Variants in GPSM3 observed in about 807,000 individuals in gnomAD.
The protein encoded by GPSM3 is G protein-signaling modulator 3.
A neutral mutation model predicts 20.4 loss-of-function variants in GPSM3; 16 were observed. That is an observed-to-expected ratio of 0.78 (90% CI 0.53 to 1.19). GPSM3 has a LOEUF of 1.19. GPSM3 is among the 50% of genes most tolerant of loss of function. The pLI, the probability that GPSM3 is intolerant of heterozygous loss-of-function variation, is 0.00. For synonymous variants in GPSM3, 70 were observed against 79.6 expected (o/e 0.88, Z 0.64); for missense variants, 177 against 204.6 (o/e 0.86, Z 0.82).
rs1412593234 is a variant in GPSM3 at position 32,191,957 on chromosome 6, C to T, written c.146-49G>A. 1 of 1,562,280 alleles carries T rather than the reference C, an allele frequency of 6.4e-7. No homozygotes were observed. Among genetic ancestry groups the T allele is most frequent in the Non-Finnish European group, 8.8e-7 (1 of 1,137,368 alleles). ...TCAGAGACCCAGAGAGGTTGGCAGA[C>T]AGGAGCCGTGGGGGAGTGTGGACAG... On this transcript the variant is annotated intron_variant, in intron 2 of 3. Coordinates refer to ENST00000375040, the MANE Select transcript of GPSM3 (RefSeq NM_001276501.2). This position sits in a 1 kb window ranked among gnomAD's most constrained non-coding sequence, Gnocchi z 5.9.
At chr6:32,192,732 T>A (rs566471010), upstream of GPSM3, 165 of 453,322 alleles carry the variant, frequency 3.6e-4, no homozygotes, top group Admixed American at 1.7e-3. The surrounding 1 kb of genome is among the most constrained non-coding windows in gnomAD (Gnocchi z 5.1). Flanking sequence ...CCAAACAGCT[T>A]GTTCAGTCTC....
chr6:32,195,071 G>C (rs989578915), upstream of GPSM3: 5 of 281,994 alleles, frequency 1.8e-5, no homozygotes, highest in Non-Finnish European at 2.7e-5. This position sits in a 1 kb window ranked among gnomAD's most constrained non-coding sequence, Gnocchi z 5.4. Context: ...GTGGGCAGTG[G>C]GGACAATGGA....
At chr6:32,195,518 C>G (rs756114446), upstream of GPSM3, 2 of 1,612,980 alleles carry the variant, frequency 1.2e-6, no homozygotes, top group Non-Finnish European at 1.7e-6. The surrounding 1 kb of genome is among the most constrained non-coding windows in gnomAD (Gnocchi z 5.4). Flanking sequence ...GTGATCCCCG[C>G]TCCGGGGACG....
At chr6:32,194,964 C>A (rs1456692973), upstream of GPSM3, 2 of 237,744 alleles carry the variant, frequency 8.4e-6, no homozygotes, top group Non-Finnish European at 8.3e-6. The surrounding 1 kb of genome is among the most constrained non-coding windows in gnomAD (Gnocchi z 4.5). Context: ...GGAGGGAATG[C>A]AAGGAGTCAT....
At chr6:32,195,353 G>A, upstream of GPSM3, 1 of 1,299,528 alleles carries the variant, frequency 7.7e-7, no homozygotes, top group Non-Finnish European at 1.1e-6. This position sits in a 1 kb window ranked among gnomAD's most constrained non-coding sequence, Gnocchi z 5.4. Flanking sequence ...CATTTTGGGG[G>A]ATCCATCTTA....
Position 32,192,258 on chromosome 6 carries a change from CA to C in GPSM3, c.43-9del. 1 of 1,516,132 alleles carries C rather than the reference CA, an allele frequency of 6.6e-7. No homozygotes were observed. Among genetic ancestry groups the C allele is most frequent in the Non-Finnish European group, 8.9e-7 (1 of 1,129,144 alleles). 93.9% of individuals were successfully genotyped at this position (1,516,132 alleles called of 1,614,324 possible). On this transcript the variant is annotated splice_polypyrimidine_tract_variant and intron_variant, in intron 1 of 3. Coordinates refer to ENST00000375040, the MANE Select transcript of GPSM3 (RefSeq NM_001276501.2). This position sits in a 1 kb window ranked among gnomAD's most constrained non-coding sequence, Gnocchi z 5.1. ...CTCATCCTGAGGGGGGCCCTGATGC[CA>C]AAATATGTCCATTCTAGTCAAGCAG...
Position 32,192,342 on chromosome 6 carries a change from T to C in GPSM3, c.43-92A>G, listed in dbSNP as rs1787593955. 7.5e-7 allele frequency: 1 copy of C among 1,342,158 alleles called. No individual in the cohort carries two copies. Among genetic ancestry groups the C allele is most frequent in the Non-Finnish European group, 1.0e-6 (1 of 971,024 alleles). The allele number at this position is 1,342,158 out of a possible 1,614,324, so 83.1% of individuals were successfully genotyped here. A position where few individuals can be genotyped will look rare whatever the true frequency, so the allele number is the denominator to read the frequency against. Reference sequence around the variant, plus strand: ...CTAGGCCAGTGGCCCGTTTCCTCTCTGTGTGTCTCTGTTCCTGCCTCAGTT... The same window carrying C: ...CTAGGCCAGTGGCCCGTTTCCTCTCCGTGTGTCTCTGTTCCTGCCTCAGTT... On this transcript the variant is annotated intron_variant, in intron 1 of 3. Transcript: ENST00000375040. This position sits in a 1 kb window ranked among gnomAD's most constrained non-coding sequence, Gnocchi z 5.1.
chr6:32,193,091 G>A (rs1264353660), upstream of GPSM3: 1 of 153,058 alleles, frequency 6.5e-6, no homozygotes, highest in Non-Finnish European at 1.5e-5. This position sits in a 1 kb window ranked among gnomAD's most constrained non-coding sequence, Gnocchi z 4.7. Context: ...TTCAGATCCA[G>A]GGATGTGGAG....
At position 32,191,281 on chromosome 6, in the gene GPSM3, C is replaced by T; in HGVS notation, c.*85G>A. The T allele has an allele frequency of 6.9e-7, 1 of 1,458,932 alleles. No individual in the cohort carries two copies. The highest frequency in any genetic ancestry group is 9.2e-7 in the Non-Finnish European group (1 of 1,086,150). The allele number at this position is 1,458,932 out of a possible 1,614,324, so 90.4% of individuals were successfully genotyped here. A position where few individuals can be genotyped will look rare whatever the true frequency, so the allele number is the denominator to read the frequency against. The stretch of plus-strand genomic sequence containing the variant: ...TGCCGTGTCTTTCAGTCTCTGGTAC[C>T]CCTGCCAAGCAAGAGTTGAGGGCAT... On this transcript the variant is annotated 3_prime_UTR_variant, in exon 4 of 4. Transcript: ENST00000375040. The surrounding 1 kb of genome is among the most constrained non-coding windows in gnomAD (Gnocchi z 5.9).
upstream of GPSM3, chr6:32,194,367 C>G (rs1036095979): frequency 6.6e-6 from 1 of 152,034 alleles, no homozygotes; most frequent in African/African-American, 2.4e-5. This position sits in a 1 kb window ranked among gnomAD's most constrained non-coding sequence, Gnocchi z 4.5. Context: ...TCGGTGGCGA[C>G]GGAGGGCTGG....
chr6:32,192,040 G>C lies in GPSM3; in HGVS notation c.145+108C>G. 11 of 1,249,086 alleles carry C rather than the reference G, an allele frequency of 8.8e-6. No individual in the cohort carries two copies. The highest frequency in any genetic ancestry group is 1.3e-5 in the Non-Finnish European group (11 of 878,284). 77.4% of individuals were successfully genotyped at this position (1,249,086 alleles called of 1,614,324 possible). ...GAGGGGGTGCAATGGGGAATCCCAA[G>C]GGGAGTCTGGAGGAGGTGGGGAGAG... On this transcript the variant is annotated intron_variant, in intron 2 of 3. Transcript: ENST00000375040. The surrounding 1 kb of genome is among the most constrained non-coding windows in gnomAD (Gnocchi z 5.1).
upstream of GPSM3, chr6:32,194,853 A>G (rs1052946277): frequency 3.7e-4 from 86 of 233,286 alleles, no homozygotes; most frequent in African/African-American, 1.8e-3. The surrounding 1 kb of genome is among the most constrained non-coding windows in gnomAD (Gnocchi z 4.5). Flanking sequence ...TAACACTTCA[A>G]ATCAGCTTTA....
chr6:32,191,497 G>A lies in GPSM3; in HGVS notation c.352C>T (p.Arg118Trp), dbSNP rs1416793659. 6.4e-7 allele frequency: 1 copy of A among 1,558,746 alleles called. No individual in the cohort carries two copies. Among genetic ancestry groups the A allele is most frequent in the South Asian group, 1.2e-5 (1 of 83,894 alleles). ...GGCTCTGACCGCTGGGCTTCCATCC[G>A]CTGGCACTGGAGGAGTGGAGGGAGA... Reference protein sequence around the residue: ...YSTILSHQCQRMEAQRSEPPL... With the variant: ...YSTILSHQCQWMEAQRSEPPL... The change falls in exon 4 of 4, where the codon CGG becomes TGG. Residue 118 changes from arginine to tryptophan, a missense_variant. Coordinates refer to ENST00000375040, the MANE Select transcript of GPSM3 (RefSeq NM_001276501.2). This position sits in a 1 kb window ranked among gnomAD's most constrained non-coding sequence, Gnocchi z 5.9.
Position 32,192,378 on chromosome 6 carries a change from T to A in GPSM3, c.42+94A>T. ...GTTCCTGCCTCAGTTTGCCCAAGCC[T>A]TTCAAGGCCCCTGTGTCCCTACATT... is the stretch of plus-strand genomic sequence containing the variant. On this transcript the variant is annotated intron_variant, in intron 1 of 3. Coordinates refer to ENST00000375040, the MANE Select transcript of GPSM3 (RefSeq NM_001276501.2). The surrounding 1 kb of genome is among the most constrained non-coding windows in gnomAD (Gnocchi z 5.1). 1 of 1,450,226 alleles carries A rather than the reference T, an allele frequency of 6.9e-7. No individual in the cohort carries two copies. Among genetic ancestry groups the A allele is most frequent in the South Asian group, 1.2e-5 (1 of 80,080 alleles). 89.8% of individuals were successfully genotyped at this position (1,450,226 alleles called of 1,614,324 possible). A position where few individuals can be genotyped will look rare whatever the true frequency, so the allele number is the denominator to read the frequency against.
upstream of GPSM3, among the ~76,000 whole-genome samples, chr6:32,194,007 T>G (rs1019821550): frequency 6.6e-6 from 1 of 152,210 alleles, no homozygotes; most frequent in Non-Finnish European, 1.5e-5. This position sits in a 1 kb window ranked among gnomAD's most constrained non-coding sequence, Gnocchi z 4.5. Context: ...TCTCTGTGCC[T>G]CAATTTCTGA....
At position 32,192,482 on chromosome 6, in the gene GPSM3, T is replaced by C; in HGVS notation, c.32A>G (p.Asp11Gly). 1 of 1,591,452 alleles carries C rather than the reference T, an allele frequency of 6.3e-7. No homozygotes were observed. Among genetic ancestry groups the C allele is most frequent in the Non-Finnish European group, 8.6e-7 (1 of 1,168,172 alleles). MEAERPQEEE[D>G]GEQGPPQDEE... The stretch of plus-strand genomic sequence containing the variant: ...CCGTGCCCAGCTCACCTGCTCACCA[T>C]CCTCTTCTTCCTGGGGTCTCTCAGC... The change falls in exon 1 of 4, where the codon GAT (aspartate) becomes GGT (glycine). Residue 11 changes from aspartate (D) to glycine (G), a missense_variant. Asp to Gly is a moderately conservative substitution (Grantham distance 94). Coordinates refer to ENST00000375040, the MANE Select transcript of GPSM3 (RefSeq NM_001276501.2). The surrounding 1 kb of genome is among the most constrained non-coding windows in gnomAD (Gnocchi z 5.1).
Position 32,192,610 on chromosome 6 carries a change from T to C in GPSM3, c.-97A>G. 3 of 386,384 alleles carry C rather than the reference T, an allele frequency of 7.8e-6. No individual in the cohort carries two copies. The highest frequency in any genetic ancestry group is 1.4e-5 in the Non-Finnish European group (3 of 206,946). The allele number at this position is 386,384 out of a possible 1,614,324, so 23.9% of individuals were successfully genotyped here. On this transcript the variant is annotated 5_prime_UTR_variant, in exon 1 of 4. Transcript: ENST00000375040. The surrounding 1 kb of genome is among the most constrained non-coding windows in gnomAD (Gnocchi z 5.1). ...TGAGGGGAGTGGGGGCTGGAAGGGGTGGGGGTGAGCTGGGGGCTGGATGCC... is the reference window on the plus strand; with the variant it reads ...TGAGGGGAGTGGGGGCTGGAAGGGGCGGGGGTGAGCTGGGGGCTGGATGCC...
upstream of GPSM3, chr6:32,192,675 C>A: frequency 2.1e-6 from 1 of 478,946 alleles, no homozygotes; most frequent in South Asian, 3.3e-5. This position sits in a 1 kb window ranked among gnomAD's most constrained non-coding sequence, Gnocchi z 5.1. Flanking sequence ...GTCAGCCCCC[C>A]CACGGGCCCC....
Position 32,192,198 on chromosome 6 carries a change from G to A in GPSM3, c.95C>T (p.Pro32Leu), listed in dbSNP as rs764521023. 2.6e-6 allele frequency: 4 copies of A among 1,512,348 alleles called. No individual in the cohort carries two copies. The South Asian group carries it at 5.4e-5, about 20-fold the overall frequency. 93.7% of individuals were successfully genotyped at this position (1,512,348 alleles called of 1,614,324 possible). A position where few individuals can be genotyped will look rare whatever the true frequency, so the allele number is the denominator to read the frequency against. The stretch of plus-strand genomic sequence containing the variant: ...AGGGGATGGAGGAGCAGATCGCCAA[G>A]GCCGAGTGGTGGAGTTTGGAGGGGG... ...GWPPPNSTTR[P>L]WRSAPPSPPP... The change falls in exon 2 of 4, where the codon CCT becomes CTT. Residue 32 changes from proline to leucine, a missense_variant. By Grantham distance (98) the Pro-to-Leu change is moderately conservative. Transcript: ENST00000375040. The surrounding 1 kb of genome is among the most constrained non-coding windows in gnomAD (Gnocchi z 5.1).
Sources: gnomAD v4.1 joint callset for allele counts (sites outside exome capture counted in the v4.1 genomes callset) on GRCh38, gnomAD v4.1.1 for gene constraint, Gnocchi (gnomAD v3.1) non-coding constraint, MANE v1.5 for transcripts, NCBI Gene and HGNC (gene_info 2026-07-23, HGNC 2026-07-21) for gene names.